The following CAV1 variants were observed in gnomAD, a reference collection of about 807,000 sequenced individuals.
CAV1 encodes caveolin 1.
In CAV1, 10 loss-of-function variants were observed where a neutral mutation model predicts 16.5. The observed-to-expected ratio is 0.61, with a 90% CI of 0.37 to 1.03. CAV1 has a LOEUF of 1.03. Among genes scored for constraint, CAV1 ranks in the 50% least tolerant of loss-of-function variants. The pLI is 0.01. For synonymous variants in CAV1, 76 were observed against 85.1 expected, an observed-to-expected ratio of 0.89 and a Z score of 0.59; for missense variants, 212 against 232.8, an observed-to-expected ratio of 0.91 and a Z score of 0.58.
At position 116,550,777 on chromosome 7, in the gene CAV1, A is replaced by C. The variant is rs1302935738; in HGVS notation, c.196-8169A>C. Among the ~76,000 whole-genome samples the C allele has an allele frequency of 3.9e-5, 6 of 152,320 alleles. 1 individual carries two copies. Among genetic ancestry groups the C allele is most frequent in the Non-Finnish European group, 7.3e-5 (5 of 68,040 alleles). Reference sequence around the variant, plus strand: ...AGTATGTATTTAATCTTTTTTTAAAAAAAGCGTTTACATAGGGTTCAGAAT... The same window carrying C: ...AGTATGTATTTAATCTTTTTTTAAACAAAGCGTTTACATAGGGTTCAGAAT... On this transcript the variant is annotated intron_variant, in intron 2 of 2. Coordinates refer to ENST00000341049, the MANE Select transcript of CAV1 (RefSeq NM_001753.5).
At chr7:116,541,753 C>A (rs1793945670) in intron 2 of CAV1, among the ~76,000 whole-genome samples, 6 of 108,996 alleles carry the variant, frequency 5.5e-5, no homozygotes, top group Admixed American at 1.8e-4. Context: ...GAGCCTGCCT[C>A]AAAAAAAAAA....
intron 2 of CAV1, among the ~76,000 whole-genome samples, chr7:116,536,216 T>C (rs752482771): frequency 1.3e-5 from 2 of 152,192 alleles, no homozygotes; most frequent in Non-Finnish European, 2.9e-5. Context: ...CCGTTCTCCC[T>C]GTCCTGCCAC....
chr7:116,531,838 A>G (rs1793691874), intron 2 of CAV1, among the ~76,000 whole-genome samples: 2 of 152,320 alleles, frequency 1.3e-5, no homozygotes, highest in African/African-American at 4.8e-5. Flanking sequence ...ACCATGTATG[A>G]AGTCATGCGT....
intron 2 of CAV1, among the ~76,000 whole-genome samples, chr7:116,529,746 T>C (rs1793644563): frequency 6.6e-6 from 1 of 152,186 alleles, no homozygotes; most frequent in Non-Finnish European, 1.5e-5. Context: ...TAATTTCTCA[T>C]CTTACTAAAA....
intron 2 of CAV1, among the ~76,000 whole-genome samples, chr7:116,555,668 AAGAGAGAG>A (rs756619607): frequency 2.0e-5 from 3 of 146,592 alleles, no homozygotes; most frequent in Admixed American, 6.8e-5. Context: ...GGAAGGAAGG[AAGAGAGAG>A]AGAGAGAGAG....
At chr7:116,531,885 G>A (rs1291302690) in intron 2 of CAV1, among the ~76,000 whole-genome samples, 3 of 152,172 alleles carry the variant, frequency 2.0e-5, no homozygotes, top group African/African-American at 7.2e-5. Context: ...ATTGCATTAT[G>A]ATCATCTTTA....
At chr7:116,547,657 G>A (rs1794077332) in intron 2 of CAV1, among the ~76,000 whole-genome samples, 1 of 152,130 alleles carries the variant, frequency 6.6e-6, no homozygotes, top group East Asian at 1.9e-4. Flanking sequence ...GACATGGAAC[G>A]ATTTCAGGAA....
chr7:116,548,864 T>A (rs904839952), intron 2 of CAV1, among the ~76,000 whole-genome samples: 8 of 152,290 alleles, frequency 5.3e-5, no homozygotes, highest in Non-Finnish European at 1.0e-4. Context: ...TATAGCACTG[T>A]GTAACATGAG....
intron 2 of CAV1, among the ~76,000 whole-genome samples, chr7:116,558,105 T>A (rs1219320021): frequency 6.6e-6 from 1 of 152,296 alleles, no homozygotes; most frequent in South Asian, 2.1e-4. Context: ...TGAAGCCTTC[T>A]TGATGCCTCC....
chr7:116,531,570 TC>T (rs1793686713), intron 2 of CAV1, among the ~76,000 whole-genome samples: 1 of 152,218 alleles, frequency 6.6e-6, no homozygotes, highest in Non-Finnish European at 1.5e-5. Flanking sequence ...ATACATCTAA[TC>T]AAAGCATAAG....
rs554340302 is a variant in CAV1, at chr7:116,533,835, T to C, written c.195+7146T>C. Reference sequence around the variant, plus strand: ...AAATAAACAAGGCAAAATAGGAATATATATTTTTAGGCAATTTACTTCTGT... The same window carrying C: ...AAATAAACAAGGCAAAATAGGAATACATATTTTTAGGCAATTTACTTCTGT... On this transcript the variant is annotated intron_variant, in intron 2 of 2. Coordinates refer to ENST00000341049, the MANE Select transcript of CAV1 (RefSeq NM_001753.5). Among the ~76,000 whole-genome samples the C allele has an allele frequency of 2.3e-3, 356 of 152,338 alleles. 2 individuals carry two copies. Among genetic ancestry groups the C allele is most frequent in the African/African-American group, 8.1e-3 (335 of 41,580 alleles).
Position 116,555,518 on chromosome 7 carries a change from A to AAGAAAGAAAGAAAGAAAGAG in CAV1, c.196-3425_196-3424insAAGAAAGAAAGAAAGAGAGA, listed in dbSNP as rs1554357869. On this transcript the variant is annotated intron_variant, in intron 2 of 2. Transcript: ENST00000341049. Reference sequence around the variant, plus strand: ...AAAGAAAGAAAGAAAGAAAGAAAGAAAGAGAGAGAGAGAGAGAGAGAGAGA... The same window carrying AAGAAAGAAAGAAAGAAAGAG: ...AAAGAAAGAAAGAAAGAAAGAAAGAAAGAAAGAAAGAAAGAAAGAGAGAGAGAGAGAGAGAGAGAGAGAGA... 7.8e-4 allele frequency among the ~76,000 whole-genome samples: 11 copies of AAGAAAGAAAGAAAGAAAGAG among 14,054 alleles called. 2 individuals are homozygous for AAGAAAGAAAGAAAGAAAGAG. Among genetic ancestry groups the AAGAAAGAAAGAAAGAAAGAG allele is most frequent in the Admixed American group, 2.0e-3 (2 of 1,020 alleles). The allele number at this position is 14,054 out of a possible 152,430, so 9.2% of individuals were successfully genotyped here.
chr7:116,537,811 C>A (rs368889969), intron 2 of CAV1, among the ~76,000 whole-genome samples: 33 of 152,316 alleles, frequency 2.2e-4, no homozygotes, highest in African/African-American at 7.2e-4. Flanking sequence ...TGTAAAACCC[C>A]AGGCTTCAAG....
At chr7:116,546,696 A>AC (rs1794054396) in intron 2 of CAV1, among the ~76,000 whole-genome samples, 26 of 110,468 alleles carry the variant, frequency 2.4e-4, no homozygotes, top group African/African-American at 8.4e-4. Flanking sequence ...AGACTCTGTC[A>AC]CAAAAAAAAA....
intron 2 of CAV1, among the ~76,000 whole-genome samples, chr7:116,551,360 G>A (rs1388008393): frequency 6.6e-6 from 1 of 152,118 alleles, no homozygotes; most frequent in Non-Finnish European, 1.5e-5. Flanking sequence ...AGCCAATTCA[G>A]GTATATGAGC....
intron 2 of CAV1, among the ~76,000 whole-genome samples, chr7:116,530,288 C>A (rs1245757947): frequency 7.0e-6 from 1 of 143,422 alleles, no homozygotes. Context: ...TTCATGTTCC[C>A]ACATATGGTT....
At chr7:116,529,964 TAAATA>T (rs1793649846) in intron 2 of CAV1, among the ~76,000 whole-genome samples, 1 of 152,322 alleles carries the variant, frequency 6.6e-6, no homozygotes, top group African/African-American at 2.4e-5. Context: ...ATTTTCTAGA[TAAATA>T]AAATGGCTTC....
At chr7:116,555,600 GA>G in intron 2 of CAV1, among the ~76,000 whole-genome samples, 1 of 82,192 alleles carries the variant, frequency 1.2e-5, no homozygotes, top group Non-Finnish European at 2.3e-5. Flanking sequence ...AAGAAAGAAA[GA>G]AAGAGAAAGA....
intron 2 of CAV1, among the ~76,000 whole-genome samples, chr7:116,557,413 A>T (rs1029430840): frequency 1.3e-5 from 2 of 152,154 alleles, no homozygotes; most frequent in Non-Finnish European, 2.9e-5. Context: ...GCTGTCAGTC[A>T]TCCACTTGTT....
Sources: allele counts gnomAD v4.1 joint callset (sites outside exome capture counted in the v4.1 genomes callset), GRCh38; gene constraint gnomAD v4.1.1; transcripts MANE v1.5; gene names NCBI Gene and HGNC (gene_info 2026-07-23, HGNC 2026-07-21).